GATA4: variants seen among roughly 807,000 people sequenced by gnomAD.
The protein encoded by GATA4 is GATA binding protein 4, also known as transcription factor GATA-4.
Under a neutral mutation model 37.9 loss-of-function variants are expected in GATA4, and 7 were observed. The ratio of observed to expected loss-of-function variants is 0.18; its 90% CI spans 0.11 to 0.35. The LOEUF is 0.35. Ranked by LOEUF, GATA4 falls within the 10% of genes least tolerant of loss-of-function variation. GATA4 has a pLI of 1.00. For missense variants in GATA4, 647 were observed against 653.0 expected (o/e 0.99, Z 0.10); for synonymous variants, 372 against 292.6 (o/e 1.27, Z -2.77).
At chr8:11,680,686 C>A (rs929780521) in intron 1 of GATA4, 4 of 985,334 alleles carry the variant, frequency 4.1e-6, no homozygotes, top group Non-Finnish European at 4.8e-6. Context: ...AGACCCCCCC[C>A]TTGGGGAGAC....
intron 1 of GATA4, among the ~76,000 whole-genome samples, chr8:11,687,587 C>T (rs534011392): frequency 6.6e-6 from 1 of 152,246 alleles, no homozygotes; most frequent in South Asian, 2.1e-4. Context: ...ATTATTAGAC[C>T]ATTTCCCCCT....
chr8:11,694,490 C>T, intron 1 of GATA4: 5 of 985,422 alleles, frequency 5.1e-6, no homozygotes, highest in Non-Finnish European at 6.0e-6. Context: ...GGACTGCATC[C>T]TCATCACTTC....
At chr8:11,721,781 C>A (rs1016656445) in intron 2 of GATA4, among the ~76,000 whole-genome samples, 1 of 152,234 alleles carries the variant, frequency 6.6e-6, no homozygotes, top group East Asian at 1.9e-4. Context: ...TGTACTTTCT[C>A]TAAAGGTGGT....
intron 1 of GATA4, among the ~76,000 whole-genome samples, chr8:11,706,476 T>C (rs990958973): frequency 1.3e-5 from 2 of 152,240 alleles, no homozygotes; most frequent in Non-Finnish European, 1.5e-5. Context: ...TATTAATTTA[T>C]AATCCTCACT....
intron 1 of GATA4, among the ~76,000 whole-genome samples, chr8:11,693,496 G>GAA (rs1554484975): frequency 5.1e-5 from 7 of 137,672 alleles, no homozygotes; most frequent in East Asian, 5.2e-4. Context: ...GAGAGAGAGA[G>GAA]AAAAAAAGAG....
intron 1 of GATA4, among the ~76,000 whole-genome samples, chr8:11,680,049 G>A (rs1236420062): frequency 1.3e-5 from 2 of 152,230 alleles, no homozygotes; most frequent in Admixed American, 1.3e-4. Flanking sequence ...TCCTGCCAGG[G>A]GGCTTGGACC....
chr8:11,753,526 A>C (rs1341802127), intron 4 of GATA4, among the ~76,000 whole-genome samples: 1 of 147,464 alleles, frequency 6.8e-6, no homozygotes, highest in East Asian at 2.0e-4. Flanking sequence ...AAGTGAATGG[A>C]GATTAACGTG....
At chr8:11,730,199 C>T (rs1472823814) in intron 2 of GATA4, among the ~76,000 whole-genome samples, 2 of 152,234 alleles carry the variant, frequency 1.3e-5, no homozygotes, top group Non-Finnish European at 2.9e-5. Flanking sequence ...CAGGCATAAG[C>T]CATCGTGCCT....
chr8:11,718,779 C>A (rs1413926828), intron 2 of GATA4, among the ~76,000 whole-genome samples: 1 of 152,238 alleles, frequency 6.6e-6, no homozygotes, highest in African/African-American at 2.4e-5. Flanking sequence ...TCCAGTCAAA[C>A]CTTATCGCCT....
chr8:11,758,860 C>G lies in GATA4; in HGVS notation c.*385C>G, dbSNP rs956931765. 1.2e-5 allele frequency: 4 copies of G among 332,840 alleles called. No individual in the cohort carries two copies. Among genetic ancestry groups the G allele is most frequent in the Non-Finnish European group, 2.3e-5 (4 of 171,148 alleles). The allele number at this position is 332,840 out of a possible 1,614,324, so 20.6% of individuals were successfully genotyped here. A position where few individuals can be genotyped will look rare whatever the true frequency, so the allele number is the denominator to read the frequency against. On this transcript the variant is annotated 3_prime_UTR_variant, in exon 7 of 7. Transcript: ENST00000532059. ...AGGGCCGGGCCCTGGGACCCCTGCTCCAGCCCGAATGACGGCATCTGTTTG... is the reference window on the plus strand; with the variant it reads ...AGGGCCGGGCCCTGGGACCCCTGCTGCAGCCCGAATGACGGCATCTGTTTG...
At chr8:11,717,503 T>TG (rs895840510) in intron 2 of GATA4, among the ~76,000 whole-genome samples, 2 of 152,208 alleles carry the variant, frequency 1.3e-5, no homozygotes, top group Non-Finnish European at 2.9e-5. Context: ...CAGGTCCCCG[T>TG]GGGTAGTAAA....
At chr8:11,718,838 G>A (rs573395037) in intron 2 of GATA4, among the ~76,000 whole-genome samples, 3 of 152,274 alleles carry the variant, frequency 2.0e-5, no homozygotes, top group Admixed American at 6.5e-5. Flanking sequence ...AATTATAATC[G>A]CAGAATAAAC....
Position 11,725,828 on chromosome 8 carries a change from T to C in GATA4, c.616+16900T>C, listed in dbSNP as rs369241607. 2.2e-4 allele frequency among the ~76,000 whole-genome samples: 34 copies of C among 152,258 alleles called. 1 individual carries two copies. The highest frequency in any genetic ancestry group is 8.2e-4 in the African/African-American group (34 of 41,534). ...GCAGAAGGTGCATCTTGCAAGTGCA[T>C]GAAAGCCAGTGGCGGGAAAGGGGCC... On this transcript the variant is annotated intron_variant, in intron 2 of 6. Transcript: ENST00000532059.
chr8:11,717,144 A>G (rs145662430), intron 2 of GATA4, among the ~76,000 whole-genome samples: 151 of 152,386 alleles, frequency 9.9e-4, no homozygotes, highest in African/African-American at 3.5e-3. Context: ...TAAACTGGTT[A>G]CTAAGAGTAA....
upstream of GATA4, chr8:11,692,170 C>T (rs1306012019): frequency 2.6e-6 from 1 of 378,998 alleles, no homozygotes; most frequent in Non-Finnish European, 3.6e-6. Flanking sequence ...CAGCCTCACT[C>T]CTACTTCCCC....
At chr8:11,713,560 C>T (rs1389862981) in intron 2 of GATA4, among the ~76,000 whole-genome samples, 1 of 150,624 alleles carries the variant, frequency 6.6e-6, no homozygotes, top group Non-Finnish European at 1.5e-5. Flanking sequence ...TGGAGGAAAG[C>T]AGGGCTTTTA....
At chr8:11,724,900 C>A (rs528488832) in intron 2 of GATA4, among the ~76,000 whole-genome samples, 3 of 152,320 alleles carry the variant, frequency 2.0e-5, no homozygotes, top group South Asian at 2.1e-4. Flanking sequence ...CAGTGGCCAT[C>A]GTCTTTCTCT....
rs1438635264 is a variant in GATA4 at position 11,685,467 on chromosome 8, C to T, written c.-274+8404C>T. 2.0e-5 allele frequency among the ~76,000 whole-genome samples: 3 copies of T among 152,160 alleles called. No individual in the cohort carries two copies. The East Asian group carries it at 5.8e-4, about 29-fold the overall frequency. On this transcript the variant is annotated intron_variant, in intron 1 of 6. Transcript: ENST00000528712. ...TTGGCCAGATCCAAGACATGTCAGC[C>T]TTCTTCAGGCTTCCTACGATGTTTA...
At chr8:11,703,222 G>A (rs550083279), upstream of GATA4, among the ~76,000 whole-genome samples, 1 of 152,190 alleles carries the variant, frequency 6.6e-6, no homozygotes, top group Non-Finnish European at 1.5e-5. Flanking sequence ...GCCACCCGCC[G>A]GCTGTTATCT....
Sources: allele counts gnomAD v4.1 joint callset (sites outside exome capture counted in the v4.1 genomes callset), GRCh38; gene constraint gnomAD v4.1.1; transcripts MANE v1.5; gene names NCBI Gene and HGNC (gene_info 2026-07-23, HGNC 2026-07-21).